Variants in LRP2BP observed in about 807,000 individuals in gnomAD.
The protein encoded by LRP2BP is LRP2-binding protein.
LRP2BP carries 38 observed loss-of-function variants against 45.2 expected under a neutral mutation model. That is an observed-to-expected ratio of 0.84 (90% CI 0.65 to 1.10). LRP2BP has a LOEUF of 1.10. LRP2BP is among the 50% of genes least tolerant of loss of function. The pLI is 0.00. For missense variants in LRP2BP, 385 were observed against 418.9 expected, an observed-to-expected ratio of 0.92 and a Z score of 0.71; for synonymous variants, 153 against 153.9, an observed-to-expected ratio of 0.99 and a Z score of 0.04.
chr4:185,391,420 G>A (rs190838656), intron 1 of LRP2BP, among the ~76,000 whole-genome samples: 7 of 152,232 alleles, frequency 4.6e-5, no homozygotes, highest in African/African-American at 1.7e-4. Context: ...CGTTGGAGGC[G>A]GAATCGTCTT....
rs1172260045 is a variant in LRP2BP at position 185,376,953 on chromosome 4, C to T, written c.172G>A (p.Asp58Asn). 1.2e-6 allele frequency: 2 copies of T among 1,613,974 alleles called. No homozygotes were observed. Among genetic ancestry groups the T allele is most frequent in the Admixed American group, 3.3e-5 (2 of 60,020 alleles). ...CCTCGTAGGAAATATGCCAGAGTGT[C>T]TCCTTTCAGTATTCTTTCCTTCAAG... Reference protein sequence around the residue: ...QLLKERILKGDTLAYFLRGQL... With the variant: ...QLLKERILKGNTLAYFLRGQL... Residue 58 changes from aspartate (D) to asparagine (N), a missense_variant, in exon 3 of 9, where the codon GAC becomes AAC. Physicochemically the swap from Asp to Asn is conservative, Grantham distance 23. Transcript: ENST00000505916.
intron 1 of LRP2BP, chr4:185,378,480 A>G (rs776396796): frequency 3.2e-5 from 37 of 1,150,054 alleles, no homozygotes; most frequent in Non-Finnish European, 3.6e-5. Context: ...CTATGGGTTT[A>G]TACATCAAGA....
chr4:185,382,020 C>T (rs2095457314), intron 1 of LRP2BP, among the ~76,000 whole-genome samples: 1 of 152,122 alleles, frequency 6.6e-6, no homozygotes, highest in African/African-American at 2.4e-5. Context: ...CATCGGCAGC[C>T]ACTCCCCATT....
rs1313315933 is a variant in LRP2BP at position 185,366,344 on chromosome 4, G to T, written c.*836C>A. The T allele has an allele frequency of 6.6e-6, 1 of 152,164 alleles. No homozygotes were observed. Among genetic ancestry groups the T allele is most frequent in the African/African-American group, 2.4e-5 (1 of 41,460 alleles). 9.4% of individuals were successfully genotyped at this position (152,164 alleles called of 1,614,324 possible). A position where few individuals can be genotyped will look rare whatever the true frequency, so the allele number is the denominator to read the frequency against. On this transcript the variant is annotated 3_prime_UTR_variant, in exon 9 of 9. Transcript: ENST00000505916. ...TATGGAAAATGAGCTGAAGCACAAA[G>T]AAACAATTTGCTTTACTTTTCTTAC...
At chr4:185,370,567 A>C (rs2095411399) in intron 8 of LRP2BP, 73 bp downstream of exon 8, 1 of 1,495,642 alleles carries the variant, frequency 6.7e-7, no homozygotes, top group Middle Eastern at 2.1e-4. Context: ...CTAATCCGTA[A>C]AACTATTCAA....
chr4:185,392,786 C>T (rs2095491630), intron 1 of LRP2BP, among the ~76,000 whole-genome samples: 1 of 152,148 alleles, frequency 6.6e-6, no homozygotes, highest in South Asian at 2.1e-4. Flanking sequence ...CTCTGGTCAG[C>T]ATTGATATAC....
At chr4:185,376,103 G>A (rs537821708) in intron 3 of LRP2BP, among the ~76,000 whole-genome samples, 81 of 152,238 alleles carry the variant, frequency 5.3e-4, no homozygotes, top group African/African-American at 1.9e-3. Context: ...CATTACTGAA[G>A]TTGAGGGGAC....
upstream of LRP2BP, chr4:185,397,033 GA>G: frequency 6.2e-7 from 1 of 1,610,106 alleles, no homozygotes; most frequent in Non-Finnish European, 8.5e-7. Flanking sequence ...TGCGGGGACG[GA>G]CCACTGGGCG....
At chr4:185,391,909 A>G (rs533996928) in intron 1 of LRP2BP, among the ~76,000 whole-genome samples, 5 of 152,328 alleles carry the variant, frequency 3.3e-5, no homozygotes, top group Non-Finnish European at 7.3e-5. Context: ...TAACCCATGT[A>G]TACACACACA....
At position 185,378,122 on chromosome 4, in the gene LRP2BP, G is replaced by C. The variant is rs1401993042; in HGVS notation, c.65C>G (p.Ala22Gly). The C allele has an allele frequency of 6.2e-7, 1 of 1,613,772 alleles. No individual in the cohort carries two copies. Among genetic ancestry groups the C allele is most frequent in the Admixed American group, 1.7e-5 (1 of 59,956 alleles). The change falls in exon 2 of 9, where the codon GCT becomes GGT. Residue 22 changes from alanine to glycine, a missense_variant. By Grantham distance (60) the Ala-to-Gly change is moderately conservative. Transcript: ENST00000505916. ...CCACTGGAAAAATTTTTGGTTTTTA[G>C]CAGCATACTGAGATACAGAGGCATA... is the stretch of plus-strand genomic sequence containing the variant. ...PFYASVSQYA[A>G]KNQKFFQWKK... is the part of the protein sequence containing the mutation.
chr4:185,396,444 C>G (rs957821122), upstream of LRP2BP: 1 of 156,694 alleles, frequency 6.4e-6, no homozygotes, highest in Non-Finnish European at 1.4e-5. Flanking sequence ...AAAGGGCGGG[C>G]GCACTACCGG....
At chr4:185,383,878 T>A (rs2095462699) in intron 1 of LRP2BP, among the ~76,000 whole-genome samples, 1 of 152,146 alleles carries the variant, frequency 6.6e-6, no homozygotes, top group African/African-American at 2.4e-5. Flanking sequence ...GTGCGCCGTG[T>A]TTTTCCTCAT....
intron 1 of LRP2BP, among the ~76,000 whole-genome samples, chr4:185,390,090 A>G (rs566500380): frequency 6.6e-6 from 1 of 152,300 alleles, no homozygotes; most frequent in African/African-American, 2.4e-5. Flanking sequence ...TCTTTCCCCC[A>G]TATTTTACAG....
In LRP2BP at chr4:185,395,416, C is replaced by T. The variant is rs1230220584; in HGVS notation, c.-659G>A. On this transcript the variant is annotated 5_prime_UTR_variant, in exon 1 of 9. It adds an upstream start codon to the 5' untranslated region. Transcript: ENST00000505916. ...TCTGTGCAAACCTGAAGCTTCAACACGTGTTTTAAAAAGCAGTGCTTATTG... is the reference window on the plus strand; with the variant it reads ...TCTGTGCAAACCTGAAGCTTCAACATGTGTTTTAAAAAGCAGTGCTTATTG... 1 of 985,272 alleles carries T rather than the reference C, an allele frequency of 1.0e-6. No individual in the cohort carries two copies. The highest frequency in any genetic ancestry group is 1.1e-4 in the East Asian group (1 of 8,832). The allele number at this position is 985,272 out of a possible 1,614,324, so 61.0% of individuals were successfully genotyped here.
At chr4:185,390,146 C>G (rs1431398625) in intron 1 of LRP2BP, among the ~76,000 whole-genome samples, 1 of 152,174 alleles carries the variant, frequency 6.6e-6, no homozygotes, top group African/African-American at 2.4e-5. Context: ...TTCGTAGTGA[C>G]TTGACTTTGA....
Position 185,372,904 on chromosome 4 carries a change from T to C in LRP2BP, c.755A>G (p.Tyr252Cys). The change falls in exon 7 of 9, where the codon TAT becomes TGT. Residue 252 changes from tyrosine (Y) to cysteine (C), a missense_variant. Transcript: ENST00000505916. ...TGTAAAAAATTTCATCTTATAGTAATACTCCACGAGATTCCCTTGAGCATA... is the reference window on the plus strand; with the variant it reads ...TGTAAAAAATTTCATCTTATAGTAACACTCCACGAGATTCCCTTGAGCATA... ...NVYAQGNLVEYYYKMKFFTKC... is the reference protein window; with the variant it reads ...NVYAQGNLVECYYKMKFFTKC... 1.2e-6 allele frequency: 2 copies of C among 1,612,756 alleles called. No individual in the cohort carries two copies. Among genetic ancestry groups the C allele is most frequent in the Non-Finnish European group, 8.5e-7 (1 of 1,178,810 alleles).
chr4:185,376,837 A>T, intron 3 of LRP2BP, 72 bp downstream of exon 3: 1 of 1,023,474 alleles, frequency 9.8e-7, no homozygotes, highest in South Asian at 1.4e-5. Context: ...AAGAAACTCT[A>T]CATGAAATTT....
At chr4:185,377,858 G>T in intron 2 of LRP2BP, 1 of 451,442 alleles carries the variant, frequency 2.2e-6, no homozygotes, top group Non-Finnish European at 3.9e-6. Context: ...CTTAAGTCCT[G>T]AGAGTAAAAT....
At chr4:185,392,569 A>G (rs1167411385) in intron 1 of LRP2BP, among the ~76,000 whole-genome samples, 1 of 152,040 alleles carries the variant, frequency 6.6e-6, no homozygotes, top group Non-Finnish European at 1.5e-5. Flanking sequence ...ATTATATTTG[A>G]TTAATTCAAG....
Sources: allele counts gnomAD v4.1 joint callset (sites outside exome capture counted in the v4.1 genomes callset), GRCh38; gene constraint gnomAD v4.1.1; transcripts MANE v1.5; gene names NCBI Gene and HGNC (gene_info 2026-07-23, HGNC 2026-07-21).